Variants in MYH14 observed in about 807,000 individuals in gnomAD.
MYH14 encodes the protein myosin heavy chain 14, also known as myosin-14.
Under a neutral mutation model 255.5 loss-of-function variants are expected in MYH14, and 123 were observed. That is an observed-to-expected ratio of 0.48 (90% confidence interval 0.42 to 0.56). The LOEUF is 0.56. Among genes scored for constraint, MYH14 ranks in the 20% least tolerant of loss-of-function variants. MYH14 has a pLI of 0.00. For missense variants in MYH14, 2,423 were observed against 2,802.3 expected, an observed-to-expected ratio of 0.86 and a Z score of 3.06; for synonymous variants, 1,095 against 1,161.2, an observed-to-expected ratio of 0.94 and a Z score of 1.16.
Position 50,266,894 on chromosome 19 carries a change from G to A in MYH14, c.2712G>A (p.Gln904=). ...RLFTKVKPLL[Q]VTRQDEVLQA... is the part of the protein sequence containing the mutation. ...CCACCTAGGTGAAGCCACTGCTGCA[G>A]GTGACGCGGCAGGATGAGGTGCTGC... Residue 904 remains glutamine (Q), a synonymous_variant, in exon 23 of 43, where the codon CAG becomes CAA. Coordinates refer to ENST00000642316, the MANE Select transcript of MYH14 (RefSeq NM_001145809.2). This position sits in a 1 kb window ranked among gnomAD's most constrained non-coding sequence, Gnocchi z 4.1. 1 of 1,551,982 alleles carries A rather than the reference G, an allele frequency of 6.4e-7. No individual in the cohort carries two copies. Among genetic ancestry groups the A allele is most frequent in the Admixed American group, 2.0e-5 (1 of 51,016 alleles).
intron 21 of MYH14, 49 bp from the exon 22 acceptor site, chr19:50,263,263 A>C: frequency 8.3e-7 from 1 of 1,210,920 alleles, no homozygotes; most frequent in Non-Finnish European, 1.1e-6. Flanking sequence ...TGCTAAGGGG[A>C]TGGCGCCTGG....
In MYH14 at chr19:50,259,645, G is replaced by C. The variant is rs7254027; in HGVS notation, c.2354+380G>C. 5.2e-3 allele frequency among the ~76,000 whole-genome samples: 785 copies of C among 152,280 alleles called. 9 individuals are homozygous for C. The highest frequency in any genetic ancestry group is 0.018 in the African/African-American group (749 of 41,548). ...TGTAATCCCAGCACTTTGGGAGGCCGAGGCAGACAGATCACCTGAGGTCGG... is the reference window on the plus strand; with the variant it reads ...TGTAATCCCAGCACTTTGGGAGGCCCAGGCAGACAGATCACCTGAGGTCGG... On this transcript the variant is annotated intron_variant, in intron 19 of 42. Transcript: ENST00000642316.
In MYH14 at chr19:50,259,312, C is replaced by T. The variant is rs115140652; in HGVS notation, c.2354+47C>T. The T allele has an allele frequency of 3.2e-3, 4,974 of 1,547,846 alleles. 153 individuals are homozygous for T. The African/African-American group carries it at 0.059, about 18-fold the overall frequency. On this transcript the variant is annotated intron_variant, in intron 19 of 42. Coordinates refer to ENST00000642316, the MANE Select transcript of MYH14 (RefSeq NM_001145809.2). ...GGCCCGGCGGAGGGGCTGGGTGGGACCCGGGTCTGGAAGCCGACACACCTG... is the reference window on the plus strand; with the variant it reads ...GGCCCGGCGGAGGGGCTGGGTGGGATCCGGGTCTGGAAGCCGACACACCTG...
At position 50,276,848 on chromosome 19, in the gene MYH14, C is replaced by T. The variant is rs201727916; in HGVS notation, c.3772C>T (p.Arg1258Cys). ...HEAAVQELRQ[R>C]HGQALGELAE... ...GGCGGCAGTGCAGGAGCTGAGGCAGCGCCACGGCCAGGCCCTGGGGGAGCT... is the reference window on the plus strand; with the variant it reads ...GGCGGCAGTGCAGGAGCTGAGGCAGTGCCACGGCCAGGCCCTGGGGGAGCT... Residue 1258 changes from arginine (R) to cysteine (C), a missense_variant, in exon 29 of 43, where the codon CGC becomes TGC. This residue lies in a region of MYH14 where 1,513 missense variants were observed against 1,674.8 expected (regional missense o/e 0.90). Transcript: ENST00000642316. The surrounding 1 kb of genome is among the most constrained non-coding windows in gnomAD (Gnocchi z 4.3). 121 of 1,611,980 alleles carry T rather than the reference C, an allele frequency of 7.5e-5. 1 individual carries two copies. Among genetic ancestry groups the T allele is most frequent in the Non-Finnish European group, 9.7e-5 (115 of 1,179,688 alleles).
chr19:50,236,018 T>C (rs1167711688), intron 10 of MYH14, among the ~76,000 whole-genome samples: 1 of 125,540 alleles, frequency 8.0e-6, no homozygotes, highest in Non-Finnish European at 1.7e-5. Flanking sequence ...TTCCATTCCA[T>C]TACTATTGGA....
chr19:50,222,276 C>T (rs759365435), intron 3 of MYH14, among the ~76,000 whole-genome samples: 1 of 151,866 alleles, frequency 6.6e-6, no homozygotes, highest in Non-Finnish European at 1.5e-5. Context: ...GTCAGGAGAT[C>T]GAGACCATCC....
intron 3 of MYH14, among the ~76,000 whole-genome samples, chr19:50,219,882 A>T (rs2032721691): frequency 6.6e-6 from 1 of 152,152 alleles, no homozygotes; most frequent in Non-Finnish European, 1.5e-5. Flanking sequence ...TTAAACATTT[A>T]AAAATTATAT....
chr19:50,210,374 C>T lies in MYH14; in HGVS notation c.9C>T (p.Ala3=), dbSNP rs2032108971. 2 of 1,587,884 alleles carry T rather than the reference C, an allele frequency of 1.3e-6. No individual in the cohort carries two copies. The highest frequency in any genetic ancestry group is 1.1e-5 in the South Asian group (1 of 87,732). ...CTTTGCCCCTGCAGACCATGGCAGC[C>T]GTGACCATGTCGGTGCCCGGGCGGA... The part of the protein sequence containing the change: MA[A]VTMSVPGRKA... Residue 3 remains alanine (A), a synonymous_variant, in exon 2 of 43, where the codon GCC becomes GCT. Coordinates refer to ENST00000642316, the MANE Select transcript of MYH14 (RefSeq NM_001145809.2).
intron 16 of MYH14, among the ~76,000 whole-genome samples, chr19:50,253,018 C>A (rs910138301): frequency 5.3e-5 from 8 of 152,182 alleles, no homozygotes; most frequent in African/African-American, 1.9e-4. Context: ...GGCAAAGATA[C>A]CCACTAACAC....
At chr19:50,207,241 GAGAGAGAGAGAGAGAA>G (rs1175246560) in intron 1 of MYH14, among the ~76,000 whole-genome samples, 2 of 136,302 alleles carry the variant, frequency 1.5e-5, no homozygotes, top group Non-Finnish European at 3.1e-5. Context: ...AGAAAAAAGA[GAGAGAGAGAGAGAGAA>G]AGAGAGAGAG....
chr19:50,223,400 C>G, intron 5 of MYH14, 51 bp downstream of exon 5: 3 of 1,253,488 alleles, frequency 2.4e-6, no homozygotes, highest in Non-Finnish European at 3.4e-6. Flanking sequence ...AGCACTGCCC[C>G]TTCCATCTTG....
At chr19:50,301,291 T>C (rs2036472495) in intron 39 of MYH14, among the ~76,000 whole-genome samples, 1 of 152,114 alleles carries the variant, frequency 6.6e-6, no homozygotes. Context: ...GTCTGCATTT[T>C]TTTCCCAAGC....
rs371116668 is a variant in MYH14 at position 50,276,853 on chromosome 19, C to T, written c.3777C>T (p.His1259=). The change falls in exon 29 of 43, where the codon CAC becomes CAT. Residue 1259 remains histidine, a synonymous_variant. Transcript: ENST00000642316. This position sits in a 1 kb window ranked among gnomAD's most constrained non-coding sequence, Gnocchi z 4.3. ...CAGTGCAGGAGCTGAGGCAGCGCCA[C>T]GGCCAGGCCCTGGGGGAGCTGGCGG... ...EAAVQELRQR[H]GQALGELAEQ... is the part of the protein sequence containing the mutation. 4.9e-5 allele frequency: 73 copies of T among 1,504,522 alleles called. No individual in the cohort carries two copies. The highest frequency in any genetic ancestry group is 7.1e-5 in the African/African-American group (5 of 70,446). 93.2% of individuals were successfully genotyped at this position (1,504,522 alleles called of 1,614,324 possible).
chr19:50,230,566 G>T lies in MYH14; in HGVS notation c.916G>T (p.Glu306Ter). ...KSRAIRQAKD[E>*]CSFHIFYQLL... ...GCGGGCCATCCGCCAGGCCAAGGAC[G>T]AGTGCAGCTTCCACATCTTCTACCA... The change falls in exon 9 of 43, where the codon GAG (glutamate) becomes TAG (stop). Residue 306 changes from glutamate to a stop codon, truncating the protein, a stop_gained. Transcript: ENST00000642316. LOFTEE classifies it high-confidence loss of function. This position sits in a 1 kb window ranked among gnomAD's most constrained non-coding sequence, Gnocchi z 4.7. The T allele has an allele frequency of 6.4e-7, 1 of 1,572,164 alleles. No homozygotes were observed. Among genetic ancestry groups the T allele is most frequent in the Non-Finnish European group, 8.6e-7 (1 of 1,159,296 alleles).
At chr19:50,237,201 G>A (rs930481438) in intron 10 of MYH14, among the ~76,000 whole-genome samples, 2 of 152,148 alleles carry the variant, frequency 1.3e-5, no homozygotes, top group Non-Finnish European at 2.9e-5. Context: ...TGCAAACAGA[G>A]TGCAGAATGT....
chr19:50,304,701 G>C (rs556941669), intron 40 of MYH14, among the ~76,000 whole-genome samples: 1 of 152,166 alleles, frequency 6.6e-6, no homozygotes, highest in African/African-American at 2.4e-5. Context: ...TACCATGTCT[G>C]GTGGGATTCC....
In MYH14 at chr19:50,217,713, C is replaced by T. The variant is rs747568164; in HGVS notation, c.504C>T (p.His168=). The change falls in exon 3 of 43, where the codon CAC becomes CAT. Residue 168 remains histidine (H), a synonymous_variant. Transcript: ENST00000642316. The part of the protein sequence containing the change: ...IVEMYRGKKR[H]EVPPHVYAVT... ...AGATGTACCGGGGCAAGAAGCGCCACGAGGTGCCACCCCACGTGTACGCAG... is the reference window on the plus strand; with the variant it reads ...AGATGTACCGGGGCAAGAAGCGCCATGAGGTGCCACCCCACGTGTACGCAG... 23 of 1,613,862 alleles carry T rather than the reference C, an allele frequency of 1.4e-5. 1 individual carries two copies. Among genetic ancestry groups the T allele is most frequent in the Admixed American group, 3.3e-5 (2 of 60,012 alleles).
rs2036229057 is a variant in MYH14, at chr19:50,295,284, C to G, written c.5469+1597C>G. On this transcript the variant is annotated intron_variant, in intron 39 of 42. Coordinates refer to ENST00000642316, the MANE Select transcript of MYH14 (RefSeq NM_001145809.2). Reference sequence around the variant, plus strand: ...AGCTTGCAGTAAGCCGAGATCGCACCACTGCACTCCAGCCTGGGCGACAGA... The same window carrying G: ...AGCTTGCAGTAAGCCGAGATCGCACGACTGCACTCCAGCCTGGGCGACAGA... Among the ~76,000 whole-genome samples the G allele has an allele frequency of 1.3e-5, 2 of 151,810 alleles. 1 individual carries two copies. The highest frequency in any genetic ancestry group is 4.2e-4 in the South Asian group (2 of 4,806).
intron 12 of MYH14, among the ~76,000 whole-genome samples, chr19:50,247,968 G>A (rs1244457417): frequency 1.3e-5 from 2 of 150,950 alleles, no homozygotes; most frequent in Non-Finnish European, 1.5e-5. Context: ...GCTGAGACAC[G>A]AGGATCACTT....
Sources: allele counts gnomAD v4.1 joint callset (sites outside exome capture counted in the v4.1 genomes callset), GRCh38; gene constraint gnomAD v4.1.1; regional missense constraint gnomAD v4.1.1; non-coding constraint Gnocchi (gnomAD v3.1); transcripts MANE v1.5; gene names NCBI Gene and HGNC (gene_info 2026-07-23, HGNC 2026-07-21).